The following MROH1 variants were observed in gnomAD, a reference collection of about 807,000 sequenced individuals.
MROH1 encodes maestro heat like repeat family member 1.
MROH1 carries 117 observed loss-of-function variants against 116.5 expected under a neutral mutation model. The observed-to-expected ratio is 1.00, with a 90% CI of 0.86 to 1.17. The LOEUF is 1.17. Among genes scored for constraint, MROH1 ranks in the 50% most tolerant of loss-of-function variants. MROH1 has a pLI of 0.00. For synonymous variants in MROH1, 921 were observed against 583.9 expected, an observed-to-expected ratio of 1.58 and a Z score of -8.32; for missense variants, 1,873 against 1,338.5, an observed-to-expected ratio of 1.40 and a Z score of -6.23.
At chr8:144,168,576 C>A in intron 4 of MROH1, 136 bp downstream of exon 4, 1 of 1,002,770 alleles carries the variant, frequency 1.0e-6, no homozygotes. Context: ...CTAACCCCCT[C>A]CACACGTGCC....
intron 1 of MROH1, among the ~76,000 whole-genome samples, chr8:144,155,345 T>G (rs1239316790): frequency 1.3e-5 from 2 of 152,200 alleles, no homozygotes; most frequent in African/African-American, 2.4e-5. Context: ...TTTGATAAAT[T>G]TTAACTTCTT....
intron 43 of MROH1, 39 bp downstream of exon 43, chr8:144,261,388 C>G: frequency 2.9e-6 from 2 of 700,736 alleles, no homozygotes; most frequent in Admixed American, 4.0e-5. Context: ...CTGGGCCCTG[C>G]TGACCCTGTA....
intron 7 of MROH1, among the ~76,000 whole-genome samples, chr8:144,183,497 G>A (rs1826186772): frequency 6.6e-6 from 1 of 151,378 alleles, no homozygotes; most frequent in Admixed American, 6.6e-5. Flanking sequence ...ATGCTGATGA[G>A]TTGACCAGCA....
At chr8:144,238,538 C>T (rs1208643065) in intron 14 of MROH1, among the ~76,000 whole-genome samples, 1 of 152,228 alleles carries the variant, frequency 6.6e-6, no homozygotes, top group Non-Finnish European at 1.5e-5. Flanking sequence ...AGCAAATGCT[C>T]AAGGTTTTGT....
chr8:144,187,117 AAAC>A (rs1456792768), intron 7 of MROH1, among the ~76,000 whole-genome samples: 6 of 151,378 alleles, frequency 4.0e-5, no homozygotes, highest in African/African-American at 1.5e-4. Context: ...AAACAAAACA[AAAC>A]AAAACTCAGG....
At chr8:144,159,772 T>TTC (rs1382791891) in intron 1 of MROH1, among the ~76,000 whole-genome samples, 1 of 149,018 alleles carries the variant, frequency 6.7e-6, no homozygotes, top group African/African-American at 2.5e-5. Flanking sequence ...GTAATTTTTT[T>TTC]TTTTTTTTTT....
intron 22 of MROH1, 108 bp from the exon 23 acceptor site, chr8:144,242,261 G>A: frequency 1.3e-6 from 1 of 775,394 alleles, no homozygotes; most frequent in South Asian, 1.4e-5. Flanking sequence ...GTCACTGACT[G>A]GCTCTGGCCC....
In MROH1 at chr8:144,180,579, C is replaced by G; in HGVS notation, c.562+56C>G. ...AAGTGCCCCTTTGTGGGGGGCTGTT[C>G]CCGGGCATGCCTGTTTTAGGGGGGA... On this transcript the variant is annotated intron_variant, in intron 7 of 43. Coordinates refer to ENST00000326134, the MANE Select transcript of MROH1 (RefSeq NM_032450.3). The surrounding 1 kb of genome is among the most constrained non-coding windows in gnomAD (Gnocchi z 7.4). 6.5e-7 allele frequency: 1 copy of G among 1,528,512 alleles called. No individual in the cohort carries two copies. Among genetic ancestry groups the G allele is most frequent in the Admixed American group, 1.7e-5 (1 of 57,982 alleles). The allele number at this position is 1,528,512 out of a possible 1,614,324, so 94.7% of individuals were successfully genotyped here.
chr8:144,151,199 G>A (rs1442170401), intron 1 of MROH1, among the ~76,000 whole-genome samples: 9 of 131,740 alleles, frequency 6.8e-5, no homozygotes, highest in African/African-American at 2.6e-4. Context: ...AGTGAGCCGA[G>A]ATTGCGCCAT....
At position 144,165,133 on chromosome 8, in the gene MROH1, T is replaced by TTA. The variant is rs922477686; in HGVS notation, c.22+1286_22+1287insAT. Reference sequence around the variant, plus strand: ...GCCATCACACCCAGCTAATTTTTTTTTTTTTTGAGATGGAGTCTCACTCTG... The same window carrying TTA: ...GCCATCACACCCAGCTAATTTTTTTTTATTTTTTGAGATGGAGTCTCACTCTG... On this transcript the variant is annotated intron_variant, in intron 3 of 43. Coordinates refer to ENST00000326134, the MANE Select transcript of MROH1 (RefSeq NM_032450.3). 1.5e-4 allele frequency among the ~76,000 whole-genome samples: 22 copies of TTA among 151,622 alleles called. 1 individual carries two copies. Among genetic ancestry groups the TTA allele is most frequent in the South Asian group, 2.1e-4 (1 of 4,774 alleles).
At chr8:144,259,114 A>G (rs1844480475) in intron 36 of MROH1, 126 bp from the exon 37 acceptor site, 1 of 687,884 alleles carries the variant, frequency 1.5e-6, no homozygotes, top group Non-Finnish European at 2.7e-6. Context: ...GGCATCTCTG[A>G]AACATAGAAC....
At chr8:144,195,846 G>A (rs1198649648) in intron 10 of MROH1, among the ~76,000 whole-genome samples, 1 of 151,868 alleles carries the variant, frequency 6.6e-6, no homozygotes, top group African/African-American at 2.4e-5. Context: ...CCAGTAGCTG[G>A]GACCACAAAT....
chr8:144,229,725 CTTT>C (rs374729283), intron 14 of MROH1, among the ~76,000 whole-genome samples: 1,550 of 152,188 alleles, frequency 0.01, 21 homozygotes, highest in African/African-American at 0.035. Flanking sequence ...AGCAATAAGG[CTTT>C]TTTGTTTTCT....
Position 144,180,568 on chromosome 8 carries a change from G to C in MROH1, c.562+45G>C, listed in dbSNP as rs530274879. ...CCTTCTGTCTCAAGTGCCCCTTTGT[G>C]GGGGGCTGTTCCCGGGCATGCCTGT... is the stretch of plus-strand genomic sequence containing the variant. On this transcript the variant is annotated intron_variant, in intron 7 of 43. Transcript: ENST00000326134. The surrounding 1 kb of genome is among the most constrained non-coding windows in gnomAD (Gnocchi z 7.4). 3 of 1,567,178 alleles carry C rather than the reference G, an allele frequency of 1.9e-6. No individual in the cohort carries two copies. The highest frequency in any genetic ancestry group is 2.6e-6 in the Non-Finnish European group (3 of 1,148,496).
Position 144,190,932 on chromosome 8 carries a change from C to G in MROH1, c.711C>G (p.Ala237=), listed in dbSNP as rs772988200. ...ATCAGTGGCTGCAGAGTCGAGAAGC[C>G]AAGGTATGCCCCGTGGCTGCATCAG... ...LFHQWLQSRE[A]KLRLAVVEAL... Residue 237 remains alanine, a synonymous_variant, in exon 8 of 44, where the codon GCC becomes GCG. Coordinates refer to ENST00000326134, the MANE Select transcript of MROH1 (RefSeq NM_032450.3). The G allele has an allele frequency of 6.2e-7, 1 of 1,612,956 alleles. No individual in the cohort carries two copies.
At chr8:144,176,182 C>T (rs117711660) in intron 4 of MROH1, among the ~76,000 whole-genome samples, 4,456 of 151,908 alleles carry the variant, frequency 0.029, 83 homozygotes, top group Non-Finnish European at 0.045. Flanking sequence ...GCCTGGCCAA[C>T]GTGGCGAAAC....
In MROH1 at chr8:144,254,941, G is replaced by A. The variant is rs964017162; in HGVS notation, c.3557G>A (p.Arg1186His). 3.3e-4 allele frequency: 255 copies of A among 774,176 alleles called. 3 individuals carry two copies. Among genetic ancestry groups the A allele is most frequent in the South Asian group, 2.8e-3 (203 of 73,780 alleles). The allele number at this position is 774,176 out of a possible 1,614,324, so 48.0% of individuals were successfully genotyped here. A position where few individuals can be genotyped will look rare whatever the true frequency, so the allele number is the denominator to read the frequency against. ...FKESRAFLLGRTPDRVATLLP... is the reference protein window; with the variant it reads ...FKESRAFLLGHTPDRVATLLP... ...GAGAGCCGGGCCTTCCTGCTGGGCC[G>A]CACCCCAGACCGCGTGGCCACGCTG... Residue 1186 changes from arginine (R) to histidine (H), a missense_variant, in exon 34 of 44, where the codon CGC (arginine) becomes CAC (histidine). Transcript: ENST00000326134.
chr8:144,190,966 T>C (rs1477926292), intron 8 of MROH1, 31 bp downstream of exon 8: 1 of 1,586,482 alleles, frequency 6.3e-7, no homozygotes. Context: ...AGTCCACGCC[T>C]GATGCCAGGG....
At chr8:144,238,166 GTTTT>G (rs1323261757) in intron 14 of MROH1, among the ~76,000 whole-genome samples, 2 of 139,010 alleles carry the variant, frequency 1.4e-5, no homozygotes, top group African/African-American at 5.2e-5. Context: ...AAATATCACT[GTTTT>G]TTTTTTTTTT....
Sources: allele counts gnomAD v4.1 joint callset (sites outside exome capture counted in the v4.1 genomes callset), GRCh38; gene constraint gnomAD v4.1.1; non-coding constraint Gnocchi (gnomAD v3.1); transcripts MANE v1.5; gene names NCBI Gene and HGNC (gene_info 2026-07-23, HGNC 2026-07-21).